VPS26A: variants seen among roughly 807,000 people sequenced by gnomAD.
The protein encoded by VPS26A is vacuolar protein sorting-associated protein 26A.
VPS26A carries 22 observed loss-of-function variants against 42.4 expected under a neutral mutation model. The ratio of observed to expected loss-of-function variants is 0.52; its 90% CI spans 0.37 to 0.74. The LOEUF is 0.74. Ranked by LOEUF, VPS26A falls within the 30% of genes least tolerant of loss-of-function variation. The probability of loss-of-function intolerance (pLI) is 0.00; values close to 1 mark genes in which losing one functional copy is unlikely to be tolerated. For missense variants in VPS26A, 276 were observed against 379.2 expected, an observed-to-expected ratio of 0.73 and a Z score of 2.26; for synonymous variants, 110 against 123.5, an observed-to-expected ratio of 0.89 and a Z score of 0.73.
At chr10:69,137,179 C>T (rs1349323749) in intron 2 of VPS26A, among the ~76,000 whole-genome samples, 2 of 152,210 alleles carry the variant, frequency 1.3e-5, no homozygotes, top group Non-Finnish European at 2.9e-5. Flanking sequence ...TATATAAACT[C>T]ATGATTTAAA....
intron 2 of VPS26A, among the ~76,000 whole-genome samples, chr10:69,151,159 G>A (rs1841295161): frequency 6.6e-6 from 1 of 151,410 alleles, no homozygotes; most frequent in Non-Finnish European, 1.5e-5. Context: ...CAGCTACTCG[G>A]GAGGCTGAGT....
rs1469333988 is a variant in VPS26A, at chr10:69,171,089, G to C, written c.871-67G>C. On this transcript the variant is annotated intron_variant, in intron 8 of 8. Transcript: ENST00000263559. ...ATTTTATTATGGTTAAAATTGAAGTGGCAATCAATAGAGATAAGGCATCAT... is the reference window on the plus strand; with the variant it reads ...ATTTTATTATGGTTAAAATTGAAGTCGCAATCAATAGAGATAAGGCATCAT... 2.5e-6 allele frequency: 3 copies of C among 1,222,652 alleles called. No individual in the cohort carries two copies. The African/African-American group carries it at 4.6e-5, about 19-fold the overall frequency. 75.7% of individuals were successfully genotyped at this position (1,222,652 alleles called of 1,614,324 possible).
Position 69,137,862 on chromosome 10 carries a change from GATATAT to G in VPS26A, c.153+4830_153+4835del, listed in dbSNP as rs745881334. Among the ~76,000 whole-genome samples the G allele has an allele frequency of 2.1e-3, 306 of 144,874 alleles. 8 individuals are homozygous for G. Among genetic ancestry groups the G allele is most frequent in the African/African-American group, 7.7e-3 (285 of 36,842 alleles). Reference sequence around the variant, plus strand: ...TTTTTCTTTTTTTAAGCTGTATTGAGATATATATATATATATATATTCGCCATAAAA... The same window carrying G: ...TTTTTCTTTTTTTAAGCTGTATTGAGATATATATATATATTCGCCATAAAA... On this transcript the variant is annotated intron_variant, in intron 2 of 8. Transcript: ENST00000263559.
intron 2 of VPS26A, among the ~76,000 whole-genome samples, chr10:69,137,925 T>G (rs1180245610): frequency 6.6e-6 from 1 of 151,492 alleles, no homozygotes; most frequent in African/African-American, 2.4e-5. Context: ...TTAAAATTTT[T>G]AGTAAATTTA....
In VPS26A at chr10:69,128,270, C is replaced by T. The variant is rs536729693; in HGVS notation, c.3+3990C>T. 3.5e-4 allele frequency among the ~76,000 whole-genome samples: 49 copies of T among 141,852 alleles called. 1 individual carries two copies. The South Asian group carries it at 7.0e-3, about 20-fold the overall frequency. 93.1% of individuals were successfully genotyped at this position (141,852 alleles called of 152,430 possible). A position where few individuals can be genotyped will look rare whatever the true frequency, so the allele number is the denominator to read the frequency against. On this transcript the variant is annotated intron_variant, in intron 1 of 8. Transcript: ENST00000263559. ...TTTTTGAGGCAGAATCTCACTCTGT[C>T]GCCCAGGCTGGAGTGCAGTGGCAAG... is the stretch of plus-strand genomic sequence containing the variant.
chr10:69,152,499 GTAAC>G (rs2132220809), intron 2 of VPS26A, among the ~76,000 whole-genome samples: 1 of 152,242 alleles, frequency 6.6e-6, no homozygotes, highest in South Asian at 2.1e-4. Flanking sequence ...TTGAAGGCAA[GTAAC>G]TAACTTATAT....
chr10:69,151,306 C>T (rs1220963167), intron 2 of VPS26A, among the ~76,000 whole-genome samples: 7 of 146,702 alleles, frequency 4.8e-5, no homozygotes, highest in Non-Finnish European at 7.5e-5. Flanking sequence ...CACAATTAGC[C>T]GGGTGTGTGG....
At position 69,165,942 on chromosome 10, in the gene VPS26A, T is replaced by C. The variant is rs570504402; in HGVS notation, c.659-100T>C. On this transcript the variant is annotated intron_variant, in intron 6 of 8. Transcript: ENST00000263559. Reference sequence around the variant, plus strand: ...GCTTGGGTGATGGAGCGAGACACCGTCTCTAAAAAAAAATAATGTAGTGGA... The same window carrying C: ...GCTTGGGTGATGGAGCGAGACACCGCCTCTAAAAAAAAATAATGTAGTGGA... 11 of 1,179,972 alleles carry C rather than the reference T, an allele frequency of 9.3e-6. No individual in the cohort carries two copies. In the African/African-American group the frequency reaches 1.6e-4, roughly 17 times the overall value. The allele number at this position is 1,179,972 out of a possible 1,614,324, so 73.1% of individuals were successfully genotyped here.
intron 2 of VPS26A, among the ~76,000 whole-genome samples, chr10:69,147,869 T>C (rs540600070): frequency 6.6e-6 from 1 of 152,248 alleles, no homozygotes; most frequent in African/African-American, 2.4e-5. Flanking sequence ...TGTGCCACCA[T>C]GCCCACCTAA....
chr10:69,132,536 G>A (rs952117695), intron 1 of VPS26A, among the ~76,000 whole-genome samples: 1 of 151,250 alleles, frequency 6.6e-6, no homozygotes, highest in Non-Finnish European at 1.5e-5. Flanking sequence ...TCTGCCTCCT[G>A]GATTCAAGTG....
At chr10:69,162,284 C>A in intron 5 of VPS26A, 122 bp from the exon 6 acceptor site, 3 of 525,036 alleles carry the variant, frequency 5.7e-6, no homozygotes, top group Non-Finnish European at 1.0e-5. Flanking sequence ...GCCACTGTGC[C>A]CAGCCTCAAA....
intron 7 of VPS26A, 116 bp from the exon 8 acceptor site, chr10:69,168,373 T>G: frequency 8.7e-7 from 1 of 1,146,770 alleles, no homozygotes; most frequent in Non-Finnish European, 1.2e-6. Context: ...TCTTTGTTAT[T>G]TTGCATCTCA....
chr10:69,146,658 CAT>C (rs1224507849), intron 2 of VPS26A, among the ~76,000 whole-genome samples: 1 of 152,124 alleles, frequency 6.6e-6, no homozygotes, highest in African/African-American at 2.4e-5. Context: ...TATAAGTGGT[CAT>C]ATAATATTTG....
rs200895265 is a variant in VPS26A at position 69,157,088 on chromosome 10, G to C, written c.311G>C (p.Ser104Thr). Reference sequence around the variant, plus strand: ...GCCTTACCTGGAGAACTGACTCAGAGCAGAAGTTATGATTTTGAATTTATG... The same window carrying C: ...GCCTTACCTGGAGAACTGACTCAGACCAGAAGTTATGATTTTGAATTTATG... Reference protein sequence around the residue: ...ELALPGELTQSRSYDFEFMQV... With the variant: ...ELALPGELTQTRSYDFEFMQV... The change falls in exon 4 of 9, where the codon AGC (serine) becomes ACC (threonine). Residue 104 changes from serine (S) to threonine (T), a missense_variant. Coordinates refer to ENST00000263559, the MANE Select transcript of VPS26A (RefSeq NM_004896.5). 58 of 1,613,542 alleles carry C rather than the reference G, an allele frequency of 3.6e-5. No homozygotes were observed. Among genetic ancestry groups the C allele is most frequent in the Admixed American group, 5.0e-5 (3 of 59,982 alleles).
At position 69,168,648 on chromosome 10, in the gene VPS26A, G is replaced by C; in HGVS notation, c.870+17G>C. 6.2e-7 allele frequency: 1 copy of C among 1,611,900 alleles called. No homozygotes were observed. Among genetic ancestry groups the C allele is most frequent in the South Asian group, 1.1e-5 (1 of 90,740 alleles). ...AAACAGCAGGTATGGTGCCACTTGGGCTGGTATTATGTTCTGCGGCAGATC... is the reference window on the plus strand; with the variant it reads ...AAACAGCAGGTATGGTGCCACTTGGCCTGGTATTATGTTCTGCGGCAGATC... On this transcript the variant is annotated intron_variant, in intron 8 of 8. Transcript: ENST00000263559.
chr10:69,156,927 T>G, intron 3 of VPS26A, 80 bp from the exon 4 acceptor site: 1 of 1,297,768 alleles, frequency 7.7e-7, no homozygotes, highest in Non-Finnish European at 1.0e-6. Flanking sequence ...GTAAAAATCG[T>G]TTGTGTTTGA....
intron 2 of VPS26A, among the ~76,000 whole-genome samples, chr10:69,151,276 A>AAAAAAAAAAAAAAAAAC (rs1554854511): frequency 8.7e-5 from 6 of 69,030 alleles, no homozygotes; most frequent in African/African-American, 2.4e-4. Context: ...AAAAAAAAAA[A>AAAAAAAAAAAAAAAAAC]AAAAAAACAC....
intron 6 of VPS26A, among the ~76,000 whole-genome samples, chr10:69,164,062 C>T (rs926288631): frequency 1.3e-5 from 2 of 152,036 alleles, no homozygotes; most frequent in African/African-American, 2.4e-5. Flanking sequence ...CCACCGCGCC[C>T]GGCCTAATTT....
At chr10:69,132,408 T>G (rs1337672287) in intron 1 of VPS26A, among the ~76,000 whole-genome samples, 1 of 151,306 alleles carries the variant, frequency 6.6e-6, no homozygotes, top group African/African-American at 2.4e-5. Flanking sequence ...AACATTGTAC[T>G]TAAGTTGTTC....
Sources: allele counts gnomAD v4.1 joint callset (sites outside exome capture counted in the v4.1 genomes callset), GRCh38; gene constraint gnomAD v4.1.1; transcripts MANE v1.5; gene names NCBI Gene and HGNC (gene_info 2026-07-23, HGNC 2026-07-21).